Variants in PIBF1 observed in about 807,000 individuals in gnomAD.
The protein encoded by PIBF1 is progesterone-induced-blocking factor 1.
Under a neutral mutation model 112.5 loss-of-function variants are expected in PIBF1, and 90 were observed. The observed-to-expected ratio is 0.80, with a 90% CI of 0.67 to 0.95. The LOEUF is 0.95. PIBF1 is among the 40% of genes least tolerant of loss of function. The pLI is 0.00. For synonymous variants in PIBF1, 301 were observed against 288.6 expected, an observed-to-expected ratio of 1.04 and a Z score of -0.44; for missense variants, 915 against 852.3, an observed-to-expected ratio of 1.07 and a Z score of -0.92.
intron 5 of PIBF1, among the ~76,000 whole-genome samples, chr13:72,807,167 A>G (rs2035777986): frequency 1.6e-5 from 2 of 125,688 alleles, no homozygotes; most frequent in Non-Finnish European, 3.5e-5. Flanking sequence ...TAGTAGGTGA[A>G]GGATAAGAGC....
chr13:72,968,173 G>A (rs2042796434), intron 15 of PIBF1, among the ~76,000 whole-genome samples: 1 of 151,910 alleles, frequency 6.6e-6, no homozygotes, highest in Admixed American at 6.6e-5. Flanking sequence ...GACAGAGCCA[G>A]ACTCCGTCTC....
intron 11 of PIBF1, among the ~76,000 whole-genome samples, chr13:72,904,743 A>G (rs930933537): frequency 3.3e-5 from 5 of 151,576 alleles, no homozygotes; most frequent in Admixed American, 3.3e-4. Flanking sequence ...GCCTGGCAAA[A>G]TATTTCTTTT....
intron 17 of PIBF1, among the ~76,000 whole-genome samples, chr13:73,010,071 G>A (rs575097794): frequency 2.6e-5 from 4 of 152,178 alleles, no homozygotes; most frequent in South Asian, 2.1e-4. Context: ...GTATAATCCC[G>A]AGGATCTGTA....
intron 5 of PIBF1, among the ~76,000 whole-genome samples, chr13:72,808,069 G>A (rs1281222787): frequency 6.6e-6 from 1 of 152,090 alleles, no homozygotes; most frequent in Non-Finnish European, 1.5e-5. Context: ...ACCATTTAAT[G>A]GGCATTTGAG....
Position 72,821,504 on chromosome 13 carries a change from C to T in PIBF1, c.673-345C>T, listed in dbSNP as rs149620640. On this transcript the variant is annotated intron_variant, in intron 5 of 17. Coordinates refer to ENST00000326291, the MANE Select transcript of PIBF1 (RefSeq NM_006346.4). ...AAGAACAGGAAGTGTGTTTTATTCA[C>T]TTCTGTATCTTCAGCATCTGATAGT... 2.0e-4 allele frequency among the ~76,000 whole-genome samples: 31 copies of T among 152,242 alleles called. No individual in the cohort carries two copies. In the East Asian group the frequency reaches 5.8e-3, roughly 28 times the overall value.
At chr13:72,924,842 G>C (rs1176593804) in intron 13 of PIBF1, among the ~76,000 whole-genome samples, 1 of 152,156 alleles carries the variant, frequency 6.6e-6, no homozygotes, top group Non-Finnish European at 1.5e-5. Flanking sequence ...TAACATACAT[G>C]AAAGAATATA....
chr13:72,940,353 A>G (rs2041979083), intron 14 of PIBF1, among the ~76,000 whole-genome samples: 1 of 152,042 alleles, frequency 6.6e-6, no homozygotes, highest in African/African-American at 2.4e-5. Flanking sequence ...TAGAAGTTCA[A>G]ATTGGATCTT....
At position 73,012,648 on chromosome 13, in the gene PIBF1, G is replaced by A. The variant is rs138029656; in HGVS notation, c.2224-3221G>A. 8.5e-3 allele frequency among the ~76,000 whole-genome samples: 1,294 copies of A among 151,634 alleles called. 65 individuals carry two copies. The highest frequency in any genetic ancestry group is 9.5e-3 in the East Asian group (49 of 5,136). On this transcript the variant is annotated intron_variant, in intron 17 of 17. Coordinates refer to ENST00000326291, the MANE Select transcript of PIBF1 (RefSeq NM_006346.4). ...TGCACACCTGTGGTCCCAGCAACTC[G>A]AAGAGCTGAAGTGGGAGGATCGCTT...
intron 16 of PIBF1, among the ~76,000 whole-genome samples, chr13:72,997,594 G>A (rs1272957775): frequency 6.6e-6 from 1 of 152,122 alleles, no homozygotes; most frequent in African/African-American, 2.4e-5. Flanking sequence ...AAGTTAGATG[G>A]TTCTAAATAG....
At chr13:73,005,919 CTTT>C (rs34315714) in intron 17 of PIBF1, among the ~76,000 whole-genome samples, 1 of 132,800 alleles carries the variant, frequency 7.5e-6, no homozygotes. Context: ...TCTGGTTTCA[CTTT>C]TTTTTTTTTT....
At chr13:72,984,881 A>G (rs1182384098) in intron 16 of PIBF1, among the ~76,000 whole-genome samples, 1 of 152,156 alleles carries the variant, frequency 6.6e-6, no homozygotes, top group South Asian at 2.1e-4. Context: ...ATCTGTGCAT[A>G]TATACCCTTT....
intron 15 of PIBF1, among the ~76,000 whole-genome samples, chr13:72,966,825 C>A (rs1431777224): frequency 2.0e-5 from 3 of 152,204 alleles, no homozygotes; most frequent in Middle Eastern, 3.4e-3. Context: ...AGGAGAATCG[C>A]TTGAACCGGG....
At chr13:72,913,329 AATAC>A (rs1327892446) in intron 12 of PIBF1, among the ~76,000 whole-genome samples, 7 of 152,190 alleles carry the variant, frequency 4.6e-5, no homozygotes, top group Non-Finnish European at 5.9e-5. Flanking sequence ...AATAACTGTA[AATAC>A]ATATTGAATT....
chr13:73,011,780 C>A (rs947244569), intron 17 of PIBF1, among the ~76,000 whole-genome samples: 21 of 152,136 alleles, frequency 1.4e-4, no homozygotes, highest in African/African-American at 5.1e-4. Context: ...ACAGTATGTC[C>A]AGTTATCAGG....
chr13:72,860,412 C>T (rs575923818), intron 10 of PIBF1, among the ~76,000 whole-genome samples: 1 of 150,214 alleles, frequency 6.7e-6, no homozygotes, highest in Non-Finnish European at 1.5e-5. Flanking sequence ...CCTATGTTGC[C>T]TATGTGTTTA....
intron 3 of PIBF1, 124 bp from the exon 4 acceptor site, chr13:72,795,235 G>GT: frequency 3.1e-6 from 2 of 652,136 alleles, no homozygotes; most frequent in South Asian, 3.6e-5. Flanking sequence ...TTTAGCTGGA[G>GT]TAAGTAAATA....
At chr13:72,883,538 G>C (rs183545626) in intron 10 of PIBF1, among the ~76,000 whole-genome samples, 1 of 152,282 alleles carries the variant, frequency 6.6e-6, no homozygotes, top group African/African-American at 2.4e-5. Context: ...CCTGGCTGGA[G>C]TGTAGTGACA....
At position 72,950,564 on chromosome 13, in the gene PIBF1, G is replaced by A. The variant is rs1047574879; in HGVS notation, c.1834-14710G>A. 2.6e-5 allele frequency among the ~76,000 whole-genome samples: 4 copies of A among 152,318 alleles called. No homozygotes were observed. In the East Asian group the frequency reaches 7.7e-4, roughly 29 times the overall value. On this transcript the variant is annotated intron_variant, in intron 14 of 17. Coordinates refer to ENST00000326291, the MANE Select transcript of PIBF1 (RefSeq NM_006346.4). The stretch of plus-strand genomic sequence containing the variant: ...ACTTGCCTTAGAATAACTTATAAAA[G>A]TAGTGTTACCGTAAACTGTTCTAGC...
At chr13:73,006,747 A>G (rs1002073871) in intron 17 of PIBF1, among the ~76,000 whole-genome samples, 10 of 152,070 alleles carry the variant, frequency 6.6e-5, no homozygotes, top group Admixed American at 4.6e-4. Context: ...AACCCTCTCA[A>G]TGGGTTATAA....
Sources: gnomAD v4.1 joint callset for allele counts (sites outside exome capture counted in the v4.1 genomes callset) on GRCh38, gnomAD v4.1.1 for gene constraint, MANE v1.5 for transcripts, NCBI Gene and HGNC (gene_info 2026-07-23, HGNC 2026-07-21) for gene names.